The following ANXA13 variants were observed in gnomAD, a reference collection of about 807,000 sequenced individuals.
ANXA13 encodes the protein annexin XIII.
ANXA13 carries 36 observed loss-of-function variants against 46.6 expected under a neutral mutation model. That is an observed-to-expected ratio of 0.77 (90% confidence interval 0.59 to 1.02). The LOEUF is 1.02. ANXA13 is among the 50% of genes least tolerant of loss of function. The probability of loss-of-function intolerance (pLI) is 0.00; values close to 1 mark genes in which losing one functional copy is unlikely to be tolerated. For missense variants in ANXA13, 417 were observed against 396.5 expected (o/e 1.05, Z -0.44); for synonymous variants, 163 against 152.9 (o/e 1.07, Z -0.49).
At chr8:123,685,763 A>G (rs1170765312) in intron 9 of ANXA13, among the ~76,000 whole-genome samples, 1 of 152,182 alleles carries the variant, frequency 6.6e-6, no homozygotes, top group Non-Finnish European at 1.5e-5. Context: ...TCAGTGGAAA[A>G]GAAAATCGCA....
chr8:123,703,856 C>T (rs996079193), intron 2 of ANXA13, among the ~76,000 whole-genome samples: 2 of 152,090 alleles, frequency 1.3e-5, no homozygotes, highest in East Asian at 1.9e-4. Flanking sequence ...GAACCAGGAT[C>T]GGAAAGATGA....
At position 123,684,595 on chromosome 8, in the gene ANXA13, C is replaced by G; in HGVS notation, c.831+15G>C. On this transcript the variant is annotated intron_variant, in intron 10 of 10. Transcript: ENST00000419625. ...GAAGTTGCAGCCGCCTCTTTGGAGT[C>G]GGAGTGTGTCTTACCTCGGCCCTGG... The G allele has an allele frequency of 6.4e-7, 1 of 1,569,098 alleles. No individual in the cohort carries two copies. Among genetic ancestry groups the G allele is most frequent in the Non-Finnish European group, 8.8e-7 (1 of 1,139,476 alleles).
chr8:123,683,916 C>T (rs11777641), intron 10 of ANXA13, among the ~76,000 whole-genome samples: 55,189 of 152,076 alleles, frequency 0.36, 13,074 homozygotes, highest in African/African-American at 0.68. Flanking sequence ...GCTCCCAAGC[C>T]GTTGGCTCTT....
At chr8:123,725,258 A>G (rs777709293) in intron 1 of ANXA13, among the ~76,000 whole-genome samples, 24 of 152,346 alleles carry the variant, frequency 1.6e-4, no homozygotes, top group South Asian at 2.1e-4. Flanking sequence ...GGTAACCCAT[A>G]TATTTGGCAA....
chr8:123,687,403 C>G (rs1377931129), intron 9 of ANXA13, among the ~76,000 whole-genome samples: 1 of 152,056 alleles, frequency 6.6e-6, no homozygotes, highest in East Asian at 1.9e-4. Flanking sequence ...AGGTCATCGC[C>G]GAGGTCTGAA....
intron 1 of ANXA13, among the ~76,000 whole-genome samples, chr8:123,714,389 G>C (rs998055974): frequency 1.3e-5 from 2 of 152,170 alleles, no homozygotes; most frequent in African/African-American, 4.8e-5. Flanking sequence ...TCTGCCTCCT[G>C]CTGAGTCTGC....
chr8:123,693,929 G>C, intron 6 of ANXA13, 150 bp from the exon 7 acceptor site: 1 of 687,850 alleles, frequency 1.5e-6, no homozygotes. Flanking sequence ...CCTGCTCTTT[G>C]CTGCCATCTT....
At chr8:123,702,806 G>A in intron 2 of ANXA13, 70 bp from the exon 3 acceptor site, 2 of 1,432,978 alleles carry the variant, frequency 1.4e-6, no homozygotes, top group Non-Finnish European at 2.0e-6. Context: ...TTTAGTCCAG[G>A]GTGAGGAAGC....
At chr8:123,689,265 A>G (rs888639094) in intron 8 of ANXA13, among the ~76,000 whole-genome samples, 5 of 147,982 alleles carry the variant, frequency 3.4e-5, no homozygotes, top group African/African-American at 1.2e-4. Flanking sequence ...TATAATATAT[A>G]TAATTAATAT....
At chr8:123,698,340 A>G (rs1327731482) in intron 4 of ANXA13, 49 bp downstream of exon 4, 1 of 1,591,080 alleles carries the variant, frequency 6.3e-7, no homozygotes, top group African/African-American at 1.3e-5. Flanking sequence ...GGCTGCAACC[A>G]TCTCTATTGG....
At chr8:123,721,078 A>G (rs547039271) in intron 1 of ANXA13, among the ~76,000 whole-genome samples, 140 of 152,210 alleles carry the variant, frequency 9.2e-4, no homozygotes, top group African/African-American at 3.2e-3. Context: ...CTTTACTTCT[A>G]TGAGTTTGAC....
In ANXA13 at chr8:123,718,380, C is replaced by T. The variant is rs992222544; in HGVS notation, c.16-5627G>A. ...GAAGTTCCAGACATATATTTTACACCGGGCAGTCACACTGCGGAGTCCAGG... is the reference window on the plus strand; with the variant it reads ...GAAGTTCCAGACATATATTTTACACTGGGCAGTCACACTGCGGAGTCCAGG... On this transcript the variant is annotated intron_variant, in intron 1 of 10. Coordinates refer to ENST00000419625, the MANE Select transcript of ANXA13 (RefSeq NM_004306.4). Among the ~76,000 whole-genome samples, 19 of 152,164 alleles carry T rather than the reference C, an allele frequency of 1.2e-4. 1 individual carries two copies. The highest frequency in any genetic ancestry group is 1.9e-4 in the Non-Finnish European group (13 of 68,034).
At chr8:123,718,423 C>T (rs1402497023) in intron 1 of ANXA13, among the ~76,000 whole-genome samples, 1 of 152,120 alleles carries the variant, frequency 6.6e-6, no homozygotes, top group Non-Finnish European at 1.5e-5. Context: ...GCATGATGTC[C>T]CAACATCACA....
chr8:123,733,591 A>C (rs1814168427), intron 1 of ANXA13, among the ~76,000 whole-genome samples: 1 of 152,252 alleles, frequency 6.6e-6, no homozygotes, highest in African/African-American at 2.4e-5. Flanking sequence ...GCATGTTCAC[A>C]AACAACGTGG....
At chr8:123,724,884 C>T (rs1008592446) in intron 1 of ANXA13, among the ~76,000 whole-genome samples, 2 of 152,122 alleles carry the variant, frequency 1.3e-5, no homozygotes, top group African/African-American at 4.8e-5. Context: ...CACAGCCAAC[C>T]CATTCATTTA....
chr8:123,717,526 A>G (rs1295041945), intron 1 of ANXA13, among the ~76,000 whole-genome samples: 14 of 152,242 alleles, frequency 9.2e-5, no homozygotes, highest in Admixed American at 9.2e-4. Context: ...TCCCAGATGG[A>G]TAGATATCTT....
intron 8 of ANXA13, among the ~76,000 whole-genome samples, chr8:123,691,194 C>T (rs868162003): frequency 1.8e-4 from 27 of 152,114 alleles, no homozygotes; most frequent in African/African-American, 6.0e-4. Context: ...TAAGCCAGGA[C>T]GACTCATGCC....
rs116249647 is a variant in ANXA13 at position 123,713,194 on chromosome 8, A to T, written c.16-441T>A. Among the ~76,000 whole-genome samples, 301 of 152,298 alleles carry T rather than the reference A, an allele frequency of 2.0e-3. 1 individual carries two copies. Among genetic ancestry groups the T allele is most frequent in the African/African-American group, 6.9e-3 (288 of 41,570 alleles). ...GACCTTATTACAGGTTCATATGGTG[A>T]CTTGGATCTTTGCCATCCATACAAT... On this transcript the variant is annotated intron_variant, in intron 1 of 10. Transcript: ENST00000419625.
At position 123,719,871 on chromosome 8, in the gene ANXA13, A is replaced by G. The variant is rs545101741; in HGVS notation, c.16-7118T>C. 2.6e-5 allele frequency among the ~76,000 whole-genome samples: 4 copies of G among 152,266 alleles called. No homozygotes were observed. The East Asian group carries it at 7.7e-4, about 29-fold the overall frequency. On this transcript the variant is annotated intron_variant, in intron 1 of 10. Coordinates refer to ENST00000419625, the MANE Select transcript of ANXA13 (RefSeq NM_004306.4). ...CACGTCTCTGAGCCTTAGTTGTCTC[A>G]TCTTTAAAGTGGAGATGCACCTGTG...
Sources: gnomAD v4.1 joint callset for allele counts (sites outside exome capture counted in the v4.1 genomes callset) on GRCh38, gnomAD v4.1.1 for gene constraint, MANE v1.5 for transcripts, NCBI Gene and HGNC (gene_info 2026-07-23, HGNC 2026-07-21) for gene names.